NOL4: variants seen among roughly 807,000 people sequenced by gnomAD.
NOL4 encodes cancer/testis antigen 125.
NOL4 carries 17 observed loss-of-function variants against 75.9 expected under a neutral mutation model. That is an observed-to-expected ratio of 0.22 (90% CI 0.15 to 0.34). The LOEUF (loss-of-function observed/expected upper bound fraction) is 0.34. Among genes scored for constraint, NOL4 ranks in the 10% least tolerant of loss-of-function variants. NOL4 has a pLI of 1.00. For missense variants in NOL4, 614 were observed against 793.5 expected, an observed-to-expected ratio of 0.77 and a Z score of 2.72; for synonymous variants, 292 against 289.9, an observed-to-expected ratio of 1.01 and a Z score of -0.07.
At chr18:34,214,366 G>C (rs1056524474) in intron 1 of NOL4, among the ~76,000 whole-genome samples, 3 of 152,038 alleles carry the variant, frequency 2.0e-5, no homozygotes, top group Non-Finnish European at 2.9e-5. Flanking sequence ...GTTTATAAAA[G>C]TGTATATACT....
intron 6 of NOL4, among the ~76,000 whole-genome samples, chr18:33,996,394 T>C (rs1180632243): frequency 6.8e-6 from 1 of 147,506 alleles, no homozygotes; most frequent in Non-Finnish European, 1.5e-5. Flanking sequence ...GAATTTTGTA[T>C]CTATTTATTT....
chr18:34,094,432 T>G (rs2078674255), intron 4 of NOL4, among the ~76,000 whole-genome samples: 1 of 152,064 alleles, frequency 6.6e-6, no homozygotes, highest in African/African-American at 2.4e-5. Flanking sequence ...GGTAAAATTG[T>G]GCATGAAACA....
At chr18:34,145,267 A>G (rs1217544678) in intron 1 of NOL4, among the ~76,000 whole-genome samples, 1 of 152,104 alleles carries the variant, frequency 6.6e-6, no homozygotes, top group Non-Finnish European at 1.5e-5. Flanking sequence ...TCTAGGACTC[A>G]ATGAATGAAA....
chr18:33,903,068 T>TAACCA (rs2065835373), intron 9 of NOL4, among the ~76,000 whole-genome samples: 1 of 152,196 alleles, frequency 6.6e-6, no homozygotes, highest in Admixed American at 6.6e-5. Flanking sequence ...GCTATAAAGT[T>TAACCA]AATCACTTAA....
chr18:33,887,059 C>A (rs1305421133), intron 9 of NOL4, among the ~76,000 whole-genome samples: 9 of 131,280 alleles, frequency 6.9e-5, no homozygotes, highest in South Asian at 2.2e-4. Flanking sequence ...TAATATATAT[C>A]TATATATAAT....
intron 5 of NOL4, among the ~76,000 whole-genome samples, chr18:34,049,718 C>T (rs1208575139): frequency 2.6e-5 from 4 of 152,076 alleles, no homozygotes. Flanking sequence ...TACCACCCTT[C>T]CCCCACTGTC....
At chr18:34,214,754 G>A (rs941113928) in intron 1 of NOL4, among the ~76,000 whole-genome samples, 3 of 152,086 alleles carry the variant, frequency 2.0e-5, no homozygotes, top group Non-Finnish European at 4.4e-5. Flanking sequence ...AGAAGTACAA[G>A]CAATCCAAAT....
At chr18:34,134,723 A>G (rs1007926869) in intron 1 of NOL4, among the ~76,000 whole-genome samples, 8 of 152,190 alleles carry the variant, frequency 5.3e-5, no homozygotes, top group Non-Finnish European at 1.0e-4. Flanking sequence ...ATCATAAAAC[A>G]AGCCTCAATA....
chr18:34,114,232 G>T (rs28603266), intron 2 of NOL4, among the ~76,000 whole-genome samples: 28 of 152,162 alleles, frequency 1.8e-4, no homozygotes, highest in African/African-American at 6.7e-4. Flanking sequence ...CTAGAATATT[G>T]GTGAGAACAT....
intron 1 of NOL4, 33 bp downstream of exon 1, chr18:34,222,957 C>T: frequency 6.3e-7 from 1 of 1,596,218 alleles, no homozygotes; most frequent in East Asian, 2.2e-5. Context: ...GCTGCTCCGG[C>T]AGACAAATAA....
At chr18:34,014,631 T>C in intron 6 of NOL4, among the ~76,000 whole-genome samples, 1 of 151,970 alleles carries the variant, frequency 6.6e-6, no homozygotes, top group Admixed American at 6.6e-5. Context: ...CACTTCCTCA[T>C]GGGTCTCATT....
chr18:34,186,991 A>C (rs2034509477), intron 1 of NOL4, among the ~76,000 whole-genome samples: 1 of 152,206 alleles, frequency 6.6e-6, no homozygotes, highest in Non-Finnish European at 1.5e-5. Flanking sequence ...ATCCTGCACC[A>C]GAGTGGTACT....
intron 5 of NOL4, among the ~76,000 whole-genome samples, chr18:34,074,561 C>T (rs1322262286): frequency 6.6e-6 from 1 of 151,804 alleles, no homozygotes; most frequent in Non-Finnish European, 1.5e-5. Context: ...TATCACAAAT[C>T]ATGAAACTAA....
rs147963998 is a variant in NOL4, at chr18:33,961,341, G to A, written c.1057-2923C>T. On this transcript the variant is annotated intron_variant, in intron 6 of 10. Coordinates refer to ENST00000261592, the MANE Select transcript of NOL4 (RefSeq NM_003787.5). ...AGGGTGGGTGAGGGGAGGGCCTAAG[G>A]GCATAATCCAGTGTCTTGAGGGCCT... Among the ~76,000 whole-genome samples, 83 of 152,026 alleles carry A rather than the reference G, an allele frequency of 5.5e-4. 1 individual carries two copies. The highest frequency in any genetic ancestry group is 2.2e-3 in the Admixed American group (34 of 15,226).
At chr18:33,906,607 G>C (rs988679479) in intron 9 of NOL4, among the ~76,000 whole-genome samples, 4 of 152,126 alleles carry the variant, frequency 2.6e-5, no homozygotes, top group African/African-American at 9.7e-5. Context: ...TGTATCTTCG[G>C]ATAATTTGTC....
chr18:33,934,373 G>C (rs1337744243), intron 9 of NOL4, among the ~76,000 whole-genome samples: 1 of 152,118 alleles, frequency 6.6e-6, no homozygotes, highest in Non-Finnish European at 1.5e-5. Context: ...CCTAACAGTA[G>C]AGCAGCCTGT....
intron 5 of NOL4, among the ~76,000 whole-genome samples, chr18:34,039,922 A>G (rs1187473923): frequency 2.0e-5 from 3 of 151,962 alleles, no homozygotes; most frequent in Non-Finnish European, 2.9e-5. Flanking sequence ...GATACTCAAC[A>G]TTTTATTATA....
intron 2 of NOL4, among the ~76,000 whole-genome samples, chr18:34,128,250 T>C (rs1331431606): frequency 6.6e-6 from 1 of 151,922 alleles, no homozygotes; most frequent in Non-Finnish European, 1.5e-5. Context: ...CTAAACAGAT[T>C]TGGCTGCCAC....
chr18:33,941,725 T>C (rs888853111), intron 9 of NOL4, among the ~76,000 whole-genome samples: 1 of 151,912 alleles, frequency 6.6e-6, no homozygotes, highest in Non-Finnish European at 1.5e-5. Context: ...AGAACTGGAA[T>C]AGCTTGGTGA....
Sources: gnomAD v4.1 joint callset for allele counts (sites outside exome capture counted in the v4.1 genomes callset) on GRCh38, gnomAD v4.1.1 for gene constraint, MANE v1.5 for transcripts, NCBI Gene and HGNC (gene_info 2026-07-23, HGNC 2026-07-21) for gene names.